UNC79: variants seen among roughly 807,000 people sequenced by gnomAD.
UNC79 encodes unc-79 subunit of NALCN channel complex, also known as protein unc-79 homolog.
In UNC79, 37 loss-of-function variants were observed where a neutral mutation model predicts 283.1. That is an observed-to-expected ratio of 0.13 (90% CI 0.10 to 0.17). The LOEUF (loss-of-function observed/expected upper bound fraction) is 0.17. Among genes scored for constraint, UNC79 ranks in the 10% least tolerant of loss-of-function variants. The pLI, the probability that UNC79 is intolerant of heterozygous loss-of-function variation, is 1.00. For missense variants in UNC79, 2,272 were observed against 3,211.1 expected (o/e 0.71, Z 7.07); for synonymous variants, 1,107 against 1,200.2 (o/e 0.92, Z 1.61).
chr14:93,558,263 C>G (rs1162115301), intron 14 of UNC79, among the ~76,000 whole-genome samples: 2 of 152,148 alleles, frequency 1.3e-5, no homozygotes, highest in African/African-American at 4.8e-5. Context: ...TCTCATTAAT[C>G]AAAACCTTGC....
exon 26 of UNC79, chr14:93,603,402 C>T (rs765212279): frequency 6.2e-7 from 1 of 1,613,678 alleles, no homozygotes; most frequent in African/African-American, 1.3e-5. Context: ...TCCCTGAGAC[C>T]CTGACCTCCA....
chr14:93,451,640 A>G (rs1178335733), intron 1 of UNC79, among the ~76,000 whole-genome samples: 1 of 152,134 alleles, frequency 6.6e-6, no homozygotes, highest in Admixed American at 6.5e-5. Context: ...AGTGGGGGAG[A>G]AAATTTAGGG....
At chr14:93,546,769 C>G (rs1031866355) in intron 14 of UNC79, among the ~76,000 whole-genome samples, 1 of 152,110 alleles carries the variant, frequency 6.6e-6, no homozygotes, top group Non-Finnish European at 1.5e-5. Context: ...ATTGAGTTAG[C>G]AGTTAATGAA....
intron 35 of UNC79, among the ~76,000 whole-genome samples, chr14:93,647,162 G>T (rs771916417): frequency 6.6e-6 from 1 of 152,226 alleles, no homozygotes; most frequent in African/African-American, 2.4e-5. Flanking sequence ...AAAAAGTACA[G>T]AGAGACTTAT....
intron 7 of UNC79, among the ~76,000 whole-genome samples, chr14:93,514,130 T>C (rs1464387047): frequency 6.6e-6 from 1 of 151,936 alleles, no homozygotes; most frequent in East Asian, 1.9e-4. Context: ...CAGGAAAACA[T>C]AGAGAAAAAT....
At chr14:93,626,046 T>A (rs557591906) in intron 30 of UNC79, among the ~76,000 whole-genome samples, 185 of 152,242 alleles carry the variant, frequency 1.2e-3, no homozygotes, top group Non-Finnish European at 1.8e-3. Flanking sequence ...AAATAAAATT[T>A]AAAAAAAGAA....
At chr14:93,561,876 A>C (rs2062578889) in intron 14 of UNC79, among the ~76,000 whole-genome samples, 1 of 152,172 alleles carries the variant, frequency 6.6e-6, no homozygotes, top group Admixed American at 6.5e-5. Flanking sequence ...GAGAACGGTG[A>C]ATAGGAGTGT....
At chr14:93,362,664 G>A (rs1595389252) in intron 1 of UNC79, among the ~76,000 whole-genome samples, 1 of 152,028 alleles carries the variant, frequency 6.6e-6, no homozygotes, top group East Asian at 1.9e-4. Context: ...CAGTTTTGAA[G>A]CTTGTTTTTG....
In UNC79 at chr14:93,634,605, G is replaced by A. The variant is rs763322812; in HGVS notation, c.5717-2611G>A. The A allele has an allele frequency of 1.6e-5, 26 of 1,613,978 alleles. No individual in the cohort carries two copies. The South Asian group carries it at 2.7e-4, about 17-fold the overall frequency. On this transcript the variant is annotated intron_variant, in intron 31 of 48. Coordinates refer to ENST00000555664, the Ensembl canonical transcript of UNC79. ...AAGCGGCAGCTGGAGCATCAGTCTA[G>A]CGCCCCCCATAACATCAGCAACTGG...
At chr14:93,524,016 A>G (rs778278735) in exon 8 of UNC79, 7 of 1,614,062 alleles carry the variant, frequency 4.3e-6, no homozygotes, top group African/African-American at 4.0e-5. Flanking sequence ...TGAATGCCAC[A>G]ATGCAATTAA....
chr14:93,539,617 AC>A (rs1216125202), intron 12 of UNC79, among the ~76,000 whole-genome samples: 1 of 152,186 alleles, frequency 6.6e-6, no homozygotes, highest in African/African-American at 2.4e-5. Flanking sequence ...AGTGGCTGAC[AC>A]GTAGTAGAAA....
chr14:93,522,883 G>A (rs564133072), intron 7 of UNC79, among the ~76,000 whole-genome samples: 6 of 152,116 alleles, frequency 3.9e-5, no homozygotes, highest in African/African-American at 1.2e-4. Flanking sequence ...TCTAACAATG[G>A]GATAGAAAGT....
At chr14:93,551,215 A>C (rs1324337884) in intron 14 of UNC79, among the ~76,000 whole-genome samples, 1 of 151,990 alleles carries the variant, frequency 6.6e-6, no homozygotes. Flanking sequence ...AAGCCCGGCT[A>C]ATCTTCTGTA....
intron 14 of UNC79, among the ~76,000 whole-genome samples, chr14:93,545,617 C>T (rs1294583513): frequency 6.6e-6 from 1 of 152,056 alleles, no homozygotes; most frequent in Non-Finnish European, 1.5e-5. Context: ...CTTTGAAAAC[C>T]CTGGCTCCAT....
chr14:93,344,328 A>G (rs576109551), intron 1 of UNC79, among the ~76,000 whole-genome samples: 10 of 152,224 alleles, frequency 6.6e-5, no homozygotes, highest in Admixed American at 5.2e-4. Context: ...GTTGTTAGCA[A>G]TAGAAATGCA....
At chr14:93,707,272 A>G (rs1337625381), downstream of UNC79, 1 of 178,860 alleles carries the variant, frequency 5.6e-6, no homozygotes, top group Non-Finnish European at 1.2e-5. Flanking sequence ...GGTTTTTGAA[A>G]CCTTTGTAGT....
intron 1 of UNC79, among the ~76,000 whole-genome samples, chr14:93,451,307 C>T (rs116942778): frequency 3.3e-5 from 5 of 152,066 alleles, no homozygotes; most frequent in Non-Finnish European, 5.9e-5. Context: ...TTACTGGGGG[C>T]ACCCCTGGTG....
intron 1 of UNC79, among the ~76,000 whole-genome samples, chr14:93,422,632 G>A (rs558882853): frequency 2.6e-5 from 4 of 152,268 alleles, no homozygotes; most frequent in Non-Finnish European, 4.4e-5. Flanking sequence ...TTAGTTTACA[G>A]AAGGAACATA....
At chr14:93,337,421 T>C (rs971028103) in intron 1 of UNC79, among the ~76,000 whole-genome samples, 1 of 152,234 alleles carries the variant, frequency 6.6e-6, no homozygotes, top group African/African-American at 2.4e-5. Context: ...TGTAACACTT[T>C]CCTGACTGGC....
Sources: gnomAD v4.1 joint callset for allele counts (sites outside exome capture counted in the v4.1 genomes callset) on GRCh38, gnomAD v4.1.1 for gene constraint, MANE v1.5 for transcripts, NCBI Gene and HGNC (gene_info 2026-07-23, HGNC 2026-07-21) for gene names.